SLC15A4: variants seen among roughly 807,000 people sequenced by gnomAD.
SLC15A4 encodes hPHT1.
SLC15A4 carries 26 observed loss-of-function variants against 46.1 expected under a neutral mutation model. That is an observed-to-expected ratio of 0.56 (90% CI 0.41 to 0.78). The LOEUF (loss-of-function observed/expected upper bound fraction) is 0.78, where lower values mean the gene tolerates loss of function less well. Ranked by LOEUF, SLC15A4 falls within the 30% of genes least tolerant of loss-of-function variation. SLC15A4 has a pLI of 0.00. For synonymous variants in SLC15A4, 370 were observed against 333.4 expected (o/e 1.11, Z -1.20); for missense variants, 751 against 755.7 (o/e 0.99, Z 0.07).
intron 7 of SLC15A4, among the ~76,000 whole-genome samples, chr12:128,798,864 A>G (rs1300335994): frequency 1.3e-5 from 2 of 152,368 alleles, no homozygotes; most frequent in Non-Finnish European, 2.9e-5. Context: ...AAAGAAAACG[A>G]AAGTACACCA....
chr12:128,793,950 T>C lies in SLC15A4; in HGVS notation c.*246A>G, dbSNP rs1395964426. 2.8e-6 allele frequency: 1 copy of C among 362,124 alleles called. No homozygotes were observed. Among genetic ancestry groups the C allele is most frequent in the Admixed American group, 4.5e-5 (1 of 22,332 alleles). The allele number at this position is 362,124 out of a possible 1,614,324, so 22.4% of individuals were successfully genotyped here. On this transcript the variant is annotated 3_prime_UTR_variant, in exon 8 of 8. Transcript: ENST00000266771. ...CTAGAGGATTCACAGAGACCTTGAA[T>C]GACAAGCGACATACTCGAAATCTGC...
chr12:128,794,371 A>G lies in SLC15A4; in HGVS notation c.1574-15T>C. ...GTTAATATTACCTGGAGAAAACAAA[A>G]GGAAAGCGGCAGGTAAGCTGCGCTG... On this transcript the variant is annotated splice_polypyrimidine_tract_variant and intron_variant, in intron 7 of 7. Transcript: ENST00000266771. The G allele has an allele frequency of 6.2e-7, 1 of 1,601,500 alleles. No homozygotes were observed.
At chr12:128,796,774 A>G (rs1955449451) in intron 7 of SLC15A4, among the ~76,000 whole-genome samples, 1 of 152,226 alleles carries the variant, frequency 6.6e-6, no homozygotes, top group East Asian at 1.9e-4. Context: ...AATATAAACG[A>G]CATCATTTTA....
At chr12:128,821,021 C>T (rs570858684) in intron 1 of SLC15A4, among the ~76,000 whole-genome samples, 5 of 152,326 alleles carry the variant, frequency 3.3e-5, no homozygotes, top group Admixed American at 2.6e-4. Flanking sequence ...CCTCCCTCCC[C>T]TCTCTCACTT....
chr12:128,814,496 G>T, intron 2 of SLC15A4: 1 of 384,448 alleles, frequency 2.6e-6, no homozygotes, highest in Non-Finnish European at 4.7e-6. Flanking sequence ...TTTATAATCT[G>T]GCACCAAAGG....
chr12:128,805,852 T>G (rs1311291736), intron 5 of SLC15A4, among the ~76,000 whole-genome samples: 5 of 152,128 alleles, frequency 3.3e-5, no homozygotes, highest in African/African-American at 1.2e-4. Context: ...TTTGAAATCC[T>G]TAAATAATCA....
At chr12:128,804,361 A>G (rs1330289746) in intron 5 of SLC15A4, among the ~76,000 whole-genome samples, 3 of 152,356 alleles carry the variant, frequency 2.0e-5, no homozygotes, top group Admixed American at 2.0e-4. Context: ...GCACACAAGA[A>G]CTGACCAAAG....
At position 128,809,934 on chromosome 12, in the gene SLC15A4, AC is replaced by A. The variant is rs751126390; in HGVS notation, c.1011+8del. ...ATAAAGGAAATTAAACCTGTTTGTC[AC>A]CACTCACTTGGAAATACACTGTCCA... On this transcript the variant is annotated splice_region_variant and intron_variant, in intron 3 of 7. Transcript: ENST00000266771. 3.1e-6 allele frequency: 5 copies of A among 1,608,300 alleles called. No homozygotes were observed. Among genetic ancestry groups the A allele is most frequent in the Non-Finnish European group, 4.2e-6 (5 of 1,177,984 alleles).
intron 2 of SLC15A4, chr12:128,813,689 C>T (rs1043280237): frequency 2.6e-5 from 4 of 152,332 alleles, no homozygotes; most frequent in South Asian, 2.1e-4. Flanking sequence ...AGACACAGGA[C>T]GCTCTGATGG....
chr12:128,812,389 G>C lies in SLC15A4; in HGVS notation c.843-2278C>G, dbSNP rs868067665. ...GGCTGGAGTGCAGTGGTGTGATCGC[G>C]GCTCACTGCAAGCTCCGCCTCCCGG... On this transcript the variant is annotated intron_variant, in intron 2 of 7. Coordinates refer to ENST00000266771, the MANE Select transcript of SLC15A4 (RefSeq NM_145648.4). Among the ~76,000 whole-genome samples, 7 of 152,020 alleles carry C rather than the reference G, an allele frequency of 4.6e-5. No individual in the cohort carries two copies. The South Asian group carries it at 1.5e-3, about 32-fold the overall frequency.
chr12:128,816,661 T>A (rs1345906785), intron 1 of SLC15A4, among the ~76,000 whole-genome samples: 1 of 151,960 alleles, frequency 6.6e-6, no homozygotes, highest in Non-Finnish European at 1.5e-5. Context: ...CAGACCCCCA[T>A]CTCTACAAAA....
intron 6 of SLC15A4, 96 bp from the exon 7 acceptor site, chr12:128,799,513 C>G: frequency 7.6e-7 from 1 of 1,323,900 alleles, no homozygotes; most frequent in Non-Finnish European, 1.0e-6. Context: ...AGCGTGGGGT[C>G]TCCTAGGGAC....
At chr12:128,796,091 C>T (rs1264773802) in intron 7 of SLC15A4, among the ~76,000 whole-genome samples, 1 of 152,194 alleles carries the variant, frequency 6.6e-6, no homozygotes, top group Non-Finnish European at 1.5e-5. Flanking sequence ...TGAACATATA[C>T]TGCATGTTCA....
intron 2 of SLC15A4, 51 bp downstream of exon 2, chr12:128,814,722 AAG>A (rs1955721827): frequency 6.4e-7 from 1 of 1,574,508 alleles, no homozygotes; most frequent in Non-Finnish European, 8.7e-7. Context: ...GATGTTAATA[AAG>A]AGATCGATAA....
At chr12:128,817,360 T>C (rs1378276353) in intron 1 of SLC15A4, among the ~76,000 whole-genome samples, 1 of 152,152 alleles carries the variant, frequency 6.6e-6, no homozygotes, top group Non-Finnish European at 1.5e-5. Context: ...AGAGAAATGG[T>C]TACTGAGAAA....
intron 7 of SLC15A4, among the ~76,000 whole-genome samples, chr12:128,796,142 G>A (rs184792987): frequency 6.6e-6 from 1 of 152,190 alleles, no homozygotes; most frequent in African/African-American, 2.4e-5. Context: ...ATACACGTCT[G>A]GGCCAGGCGC....
At chr12:128,797,033 C>A (rs1021508162) in intron 7 of SLC15A4, among the ~76,000 whole-genome samples, 3 of 152,142 alleles carry the variant, frequency 2.0e-5, no homozygotes, top group African/African-American at 7.2e-5. Context: ...ACCTGCCGTG[C>A]ATTCCTGGGC....
intron 6 of SLC15A4, 65 bp downstream of exon 6, chr12:128,800,789 T>TC: frequency 6.7e-7 from 1 of 1,500,956 alleles, no homozygotes; most frequent in Admixed American, 2.2e-5. Context: ...AACAGCACAG[T>TC]CAGAATGCCC....
intron 7 of SLC15A4, among the ~76,000 whole-genome samples, chr12:128,797,441 C>T (rs1955459417): frequency 6.6e-6 from 1 of 152,174 alleles, no homozygotes; most frequent in Non-Finnish European, 1.5e-5. Context: ...TCCAAAAGTT[C>T]CTCCACTGAG....
Sources: gnomAD v4.1 joint callset for allele counts (sites outside exome capture counted in the v4.1 genomes callset) on GRCh38, gnomAD v4.1.1 for gene constraint, MANE v1.5 for transcripts, NCBI Gene and HGNC (gene_info 2026-07-23, HGNC 2026-07-21) for gene names.